Variants in KHDRBS2 observed in about 807,000 individuals in gnomAD.
KHDRBS2 encodes KH RNA binding domain containing, signal transduction associated 2.
Under a neutral mutation model 44.3 loss-of-function variants are expected in KHDRBS2, and 26 were observed. That is an observed-to-expected ratio of 0.59 (90% CI 0.43 to 0.81). The LOEUF is 0.81. KHDRBS2 is among the 40% of genes least tolerant of loss of function. The pLI is 0.00. For synonymous variants in KHDRBS2, 194 were observed against 151.1 expected, an observed-to-expected ratio of 1.28 and a Z score of -2.08; for missense variants, 476 against 433.1, an observed-to-expected ratio of 1.10 and a Z score of -0.88.
At chr6:61,974,041 T>A (rs1303916144) in intron 4 of KHDRBS2, among the ~76,000 whole-genome samples, 1 of 152,230 alleles carries the variant, frequency 6.6e-6, no homozygotes, top group Non-Finnish European at 1.5e-5. Context: ...CAGAATTTCA[T>A]GCAACACTTC....
Position 61,860,532 on chromosome 6 carries a change from C to T in KHDRBS2, c.810+34103G>A, listed in dbSNP as rs560718706. On this transcript the variant is annotated intron_variant, in intron 6 of 8. Coordinates refer to ENST00000281156, the MANE Select transcript of KHDRBS2 (RefSeq NM_152688.4). ...TAATAGCCTCCAGCTGCATCATGTC[C>T]CTGCAAAGGACATGATCTTGTTCTT... Among the ~76,000 whole-genome samples the T allele has an allele frequency of 7.9e-5, 12 of 152,054 alleles. 1 individual carries two copies. In the East Asian group the frequency reaches 1.2e-3, roughly 15 times the overall value.
intron 6 of KHDRBS2, among the ~76,000 whole-genome samples, chr6:61,858,279 A>G (rs560232180): frequency 4.6e-5 from 7 of 151,842 alleles, no homozygotes; most frequent in Non-Finnish European, 7.4e-5. Context: ...ATGTAATTCA[A>G]CATTTTTCCG....
At chr6:61,745,399 A>G (rs116757713) in intron 6 of KHDRBS2, among the ~76,000 whole-genome samples, 27 of 152,300 alleles carry the variant, frequency 1.8e-4, no homozygotes, top group African/African-American at 6.3e-4. Context: ...GAACAGAACT[A>G]TGACTAATGA....
intron 2 of KHDRBS2, among the ~76,000 whole-genome samples, chr6:62,171,827 T>C (rs1372338961): frequency 6.6e-6 from 1 of 152,088 alleles, no homozygotes; most frequent in Admixed American, 6.6e-5. Context: ...CCTACCAAAA[T>C]GAGCTTCATA....
At chr6:61,954,652 A>G (rs1481419461) in intron 4 of KHDRBS2, among the ~76,000 whole-genome samples, 1 of 131,710 alleles carries the variant, frequency 7.6e-6, no homozygotes, top group African/African-American at 2.9e-5. Flanking sequence ...ATACTTATGT[A>G]TACATACATA....
chr6:62,180,736 A>G (rs1822098352), intron 1 of KHDRBS2, among the ~76,000 whole-genome samples: 1 of 151,884 alleles, frequency 6.6e-6, no homozygotes, highest in Non-Finnish European at 1.5e-5. Context: ...AAATGGCCAA[A>G]GTAATTTTGA....
At chr6:62,108,230 G>T (rs561390543) in intron 2 of KHDRBS2, among the ~76,000 whole-genome samples, 5 of 151,956 alleles carry the variant, frequency 3.3e-5, no homozygotes, top group African/African-American at 1.2e-4. Flanking sequence ...TCTACAATGA[G>T]CTCAAACAAA....
chr6:61,585,304 G>A, the KHDRBS2 span, among the ~76,000 whole-genome samples: 367 of 152,006 alleles, frequency 2.4e-3, 1 homozygote, highest in African/African-American at 8.5e-3. Context: ...AGAGAAAAAT[G>A]GTACTTCATC....
intron 4 of KHDRBS2, among the ~76,000 whole-genome samples, chr6:61,972,155 G>A (rs1771563813): frequency 6.6e-6 from 1 of 152,106 alleles, no homozygotes; most frequent in South Asian, 2.1e-4. Flanking sequence ...GCAGGTCAGT[G>A]TTGACATATG....
At chr6:61,982,424 C>A (rs1278630831) in intron 3 of KHDRBS2, among the ~76,000 whole-genome samples, 1 of 152,158 alleles carries the variant, frequency 6.6e-6, no homozygotes, top group African/African-American at 2.4e-5. Context: ...GTAATCTCAG[C>A]GCTTTGGGAG....
chr6:61,631,305 C>CAAAAAAAAA, the KHDRBS2 span, among the ~76,000 whole-genome samples: 165 of 66,984 alleles, frequency 2.5e-3, 1 homozygote, highest in Middle Eastern at 0.012. Context: ...ACGAATAAGC[C>CAAAAAAAAA]AAAAAAAAAA....
chr6:62,222,888 G>A (rs1281992024), intron 1 of KHDRBS2, among the ~76,000 whole-genome samples: 2 of 152,284 alleles, frequency 1.3e-5, no homozygotes, highest in East Asian at 3.9e-4. Context: ...CTGTGGCTTT[G>A]CAGGGTACAA....
intron 2 of KHDRBS2, among the ~76,000 whole-genome samples, chr6:62,166,271 C>A (rs1818667312): frequency 6.6e-6 from 1 of 151,888 alleles, no homozygotes; most frequent in African/African-American, 2.4e-5. Context: ...GTGAATAATA[C>A]CTCTATGAAC....
At position 61,774,076 on chromosome 6, in the gene KHDRBS2, A is replaced by G. The variant is rs1240065732; in HGVS notation, c.811-41312T>C. 4.6e-5 allele frequency among the ~76,000 whole-genome samples: 7 copies of G among 152,182 alleles called. No homozygotes were observed. In the South Asian group the frequency reaches 1.2e-3, roughly 27 times the overall value. ...GTAGTATAGTTTGAAGTCAGGTAGC[A>G]TGATGCCTCCAGCTTTGTTCTTTTG... On this transcript the variant is annotated intron_variant, in intron 6 of 8. Coordinates refer to ENST00000281156, the MANE Select transcript of KHDRBS2 (RefSeq NM_152688.4).
intron 1 of KHDRBS2, among the ~76,000 whole-genome samples, chr6:62,193,128 T>C (rs527959163): frequency 3.2e-4 from 48 of 152,226 alleles, no homozygotes; most frequent in African/African-American, 1.1e-3. Context: ...AAAACGAATA[T>C]ATATGTATAT....
At chr6:61,882,258 A>G (rs1489396540) in intron 6 of KHDRBS2, among the ~76,000 whole-genome samples, 1 of 152,022 alleles carries the variant, frequency 6.6e-6, no homozygotes, top group Non-Finnish European at 1.5e-5. Flanking sequence ...TGAACCTTCT[A>G]TCTGGCACTC....
chr6:61,581,694 T>G, the KHDRBS2 span, among the ~76,000 whole-genome samples: 2 of 149,616 alleles, frequency 1.3e-5, no homozygotes, highest in Non-Finnish European at 3.0e-5. Flanking sequence ...TAGAAAGAAA[T>G]AAATTGACTT....
chr6:61,986,634 C>T (rs926075464), intron 3 of KHDRBS2, among the ~76,000 whole-genome samples: 1 of 152,170 alleles, frequency 6.6e-6, no homozygotes, highest in Non-Finnish European at 1.5e-5. Context: ...AACTGAGTGG[C>T]TTAATCAACA....
chr6:62,059,102 T>G (rs2127323772), intron 2 of KHDRBS2, among the ~76,000 whole-genome samples: 1 of 145,926 alleles, frequency 6.9e-6, no homozygotes, highest in Admixed American at 7.1e-5. Flanking sequence ...TATTGTAGTT[T>G]AAACAAAAAA....
Sources: gnomAD v4.1 joint callset for allele counts (sites outside exome capture counted in the v4.1 genomes callset) on GRCh38, gnomAD v4.1.1 for gene constraint, MANE v1.5 for transcripts, NCBI Gene and HGNC (gene_info 2026-07-23, HGNC 2026-07-21) for gene names.